The following TET2 variants were observed in gnomAD, a reference collection of about 807,000 sequenced individuals.
The protein encoded by TET2 is methylcytosine dioxygenase TET2.
TET2 carries 299 observed loss-of-function variants against 142.9 expected under a neutral mutation model. The observed-to-expected ratio is 2.09, with a 90% CI of 1.90 to 2.30. The LOEUF (loss-of-function observed/expected upper bound fraction) is 2.30, where lower values mean the gene tolerates loss of function less well. Among genes scored for constraint, TET2 ranks in the 30% most tolerant of loss-of-function variants. The pLI is 0.00. For synonymous variants in TET2, 819 were observed against 849.0 expected (o/e 0.96, Z 0.61); for missense variants, 2,418 against 2,378.0 (o/e 1.02, Z -0.35).
At chr4:105,270,002 C>G (rs892234226) in intron 9 of TET2, among the ~76,000 whole-genome samples, 1 of 152,124 alleles carries the variant, frequency 6.6e-6, no homozygotes, top group Admixed American at 6.6e-5. Flanking sequence ...GACTTACTCT[C>G]CTGAGAACAG....
At chr4:105,272,987 G>A in intron 10 of TET2, 69 bp downstream of exon 10, 1 of 1,325,934 alleles carries the variant, frequency 7.5e-7, no homozygotes, top group Non-Finnish European at 1.0e-6. Context: ...AATTATTTTG[G>A]TTTTGCCCCC....
chr4:105,177,504 A>C (rs1399998577), intron 1 of TET2: 6 of 152,246 alleles, frequency 3.9e-5, no homozygotes, highest in Admixed American at 3.9e-4. Flanking sequence ...AAGATACACA[A>C]GTGTCAAGAA....
At chr4:105,265,499 A>G (rs1275099991) in intron 8 of TET2, among the ~76,000 whole-genome samples, 1 of 152,190 alleles carries the variant, frequency 6.6e-6, no homozygotes, top group African/African-American at 2.4e-5. Flanking sequence ...TTTGTTCAAG[A>G]AACAGAATAA....
chr4:105,231,891 A>G (rs1728527395), intron 2 of TET2, among the ~76,000 whole-genome samples: 1 of 152,180 alleles, frequency 6.6e-6, no homozygotes, highest in African/African-American at 2.4e-5. Flanking sequence ...TGTTCGAATG[A>G]ATGCAATCAG....
intron 8 of TET2, among the ~76,000 whole-genome samples, chr4:105,268,485 A>T (rs1412513634): frequency 6.6e-6 from 1 of 152,240 alleles, no homozygotes; most frequent in Non-Finnish European, 1.5e-5. Context: ...AATATGTTCA[A>T]TACATGATGT....
intron 2 of TET2, among the ~76,000 whole-genome samples, chr4:105,211,426 GATAA>G (rs1468403265): frequency 6.6e-6 from 1 of 152,104 alleles, no homozygotes; most frequent in East Asian, 1.9e-4. Flanking sequence ...ATATGTTAAA[GATAA>G]ATAAATAAAT....
intron 2 of TET2, among the ~76,000 whole-genome samples, chr4:105,192,215 G>A (rs1049051821): frequency 2.0e-5 from 3 of 151,748 alleles, no homozygotes; most frequent in Non-Finnish European, 4.4e-5. Flanking sequence ...AAAAAAAAAC[G>A]AAGACAACAA....
chr4:105,147,014 C>T (rs1258516724), intron 1 of TET2, 35 bp downstream of exon 1: 2 of 152,314 alleles, frequency 1.3e-5, no homozygotes, highest in African/African-American at 2.4e-5. Flanking sequence ...GAAACTCTCC[C>T]TTTCTTCTCC....
chr4:105,213,743 C>G (rs900698684), intron 2 of TET2, among the ~76,000 whole-genome samples: 2 of 152,192 alleles, frequency 1.3e-5, no homozygotes, highest in African/African-American at 2.4e-5. Flanking sequence ...TTTATTTTAA[C>G]TCTATGATCT....
At position 105,275,092 on chromosome 4, in the gene TET2, C is replaced by T. The variant is rs2110311452; in HGVS notation, c.4582C>T (p.Pro1528Ser). 1 of 1,550,086 alleles carries T rather than the reference C, an allele frequency of 6.5e-7. No individual in the cohort carries two copies. Among genetic ancestry groups the T allele is most frequent in the Middle Eastern group, 1.7e-4 (1 of 5,976 alleles). ...ACCAGTCATGCAGCAGTCCCAGCAG[C>T]CCCAGCCTCTACAGAAGCAGCCACC... ...SGPVMQQSQQ[P>S]QPLQKQPPQP... Residue 1528 changes from proline (P) to serine (S), a missense_variant, in exon 11 of 11, where the codon CCC (proline) becomes TCC (serine). By Grantham distance (74) the Pro-to-Ser change is moderately conservative. Transcript: ENST00000380013.
intron 8 of TET2, among the ~76,000 whole-genome samples, chr4:105,266,190 C>T (rs147277424): frequency 1.3e-5 from 2 of 152,202 alleles, no homozygotes; most frequent in African/African-American, 2.4e-5. Context: ...ATCATACCAG[C>T]CAGACGGAGA....
chr4:105,188,952 G>C (rs1725622491), intron 1 of TET2, among the ~76,000 whole-genome samples: 1 of 152,100 alleles, frequency 6.6e-6, no homozygotes, highest in Non-Finnish European at 1.5e-5. Flanking sequence ...TGATAGGTGA[G>C]AGTGGCATAA....
At chr4:105,162,646 GT>G (rs1382144167) in intron 1 of TET2, among the ~76,000 whole-genome samples, 1 of 152,202 alleles carries the variant, frequency 6.6e-6, no homozygotes, top group Non-Finnish European at 1.5e-5. Flanking sequence ...AGAAGCTAGT[GT>G]AGTAACTTAA....
intron 2 of TET2, among the ~76,000 whole-genome samples, chr4:105,204,226 AAAAT>A (rs1359682085): frequency 7.0e-5 from 6 of 85,940 alleles, no homozygotes; most frequent in African/African-American, 2.0e-4. Context: ...AAAAAAAAAA[AAAAT>A]ATATACACAC....
intron 1 of TET2, among the ~76,000 whole-genome samples, chr4:105,158,866 T>C (rs879746697): frequency 1.3e-5 from 2 of 152,160 alleles, no homozygotes; most frequent in Non-Finnish European, 2.9e-5. Context: ...TGATAATTCC[T>C]TGACATCTGT....
chr4:105,164,392 A>G (rs1333911960), intron 1 of TET2, among the ~76,000 whole-genome samples: 4 of 152,236 alleles, frequency 2.6e-5, no homozygotes, highest in Non-Finnish European at 5.9e-5. Context: ...TAAAATGAGA[A>G]CAACTAATAA....
chr4:105,156,857 G>A (rs542237152), intron 1 of TET2, among the ~76,000 whole-genome samples: 3 of 152,112 alleles, frequency 2.0e-5, no homozygotes, highest in Non-Finnish European at 4.4e-5. Context: ...ATAACATACT[G>A]TCCTGGTCTT....
At position 105,236,746 on chromosome 4, in the gene TET2, G is replaced by T. The variant is rs775589418; in HGVS notation, c.2804G>T (p.Gly935Val). 1.9e-6 allele frequency: 3 copies of T among 1,613,958 alleles called. No individual in the cohort carries two copies. The African/African-American group carries it at 4.0e-5, about 22-fold the overall frequency. ...ANVFPVPDQG[G>V]SHTQTPPQKD... ...GTTTTTCCTGTGCCTGACCAGGGAG[G>T]AAGTCACACTCAGACCCCTCCCCAG... The change falls in exon 3 of 11, where the codon GGA becomes GTA. Residue 935 changes from glycine (G) to valine (V), a missense_variant. Gly to Val is a moderately radical substitution (Grantham distance 109). Coordinates refer to ENST00000380013, the MANE Select transcript of TET2 (RefSeq NM_001127208.3).
At chr4:105,269,801 A>C in intron 9 of TET2, 54 bp downstream of exon 9, 3 of 1,531,850 alleles carry the variant, frequency 2.0e-6, no homozygotes, top group Middle Eastern at 1.7e-4. Flanking sequence ...TCACACTGCT[A>C]ATAAAGACAT....
Sources: allele counts gnomAD v4.1 joint callset (sites outside exome capture counted in the v4.1 genomes callset), GRCh38; gene constraint gnomAD v4.1.1; transcripts MANE v1.5; gene names NCBI Gene and HGNC (gene_info 2026-07-23, HGNC 2026-07-21).